Variants in ADAMTS15 observed in about 807,000 individuals in gnomAD.
The protein encoded by ADAMTS15 is A disintegrin and metalloproteinase with thrombospondin motifs 15.
ADAMTS15 carries 35 observed loss-of-function variants against 79.1 expected under a neutral mutation model. The observed-to-expected ratio is 0.44, with a 90% CI of 0.34 to 0.59. The LOEUF (loss-of-function observed/expected upper bound fraction) is 0.59. Ranked by LOEUF, ADAMTS15 falls within the 20% of genes least tolerant of loss-of-function variation. The probability of loss-of-function intolerance (pLI) is 0.02; values close to 1 mark genes in which losing one functional copy is unlikely to be tolerated. For synonymous variants in ADAMTS15, 616 were observed against 567.3 expected (o/e 1.09, Z -1.22); for missense variants, 1,324 against 1,318.7 (o/e 1.00, Z -0.06).
intron 1 of ADAMTS15, among the ~76,000 whole-genome samples, chr11:130,455,860 C>T (rs577269396): frequency 1.1e-3 from 161 of 152,254 alleles, no homozygotes; most frequent in Non-Finnish European, 1.9e-3. Context: ...AGAGCACTCT[C>T]GGCACTTAAT....
At chr11:130,467,761 A>T (rs1028146930) in intron 4 of ADAMTS15, among the ~76,000 whole-genome samples, 1 of 148,266 alleles carries the variant, frequency 6.7e-6, no homozygotes, top group African/African-American at 2.6e-5. Context: ...TACCCTGTTT[A>T]AAAAAACTAA....
At chr11:130,456,193 G>T (rs746222103) in intron 1 of ADAMTS15, among the ~76,000 whole-genome samples, 2 of 152,090 alleles carry the variant, frequency 1.3e-5, no homozygotes, top group Admixed American at 1.3e-4. Flanking sequence ...TAAAACTCTC[G>T]CGACAGTCTG....
intron 1 of ADAMTS15, among the ~76,000 whole-genome samples, chr11:130,453,831 C>T (rs1379823628): frequency 6.6e-6 from 1 of 152,130 alleles, no homozygotes; most frequent in Non-Finnish European, 1.5e-5. Context: ...TTATATTTTT[C>T]AAGAAATTTT....
chr11:130,464,287 A>G (rs1047963555), intron 4 of ADAMTS15, among the ~76,000 whole-genome samples: 5 of 152,176 alleles, frequency 3.3e-5, no homozygotes, highest in Non-Finnish European at 7.4e-5. Context: ...ACTTTCTGGA[A>G]TTCTGTCTAT....
chr11:130,470,156 A>ATATACATATATATATATATATATGTG (rs1938402738), intron 5 of ADAMTS15, among the ~76,000 whole-genome samples: 1 of 44,420 alleles, frequency 2.3e-5, no homozygotes, highest in East Asian at 8.4e-4. Flanking sequence ...ATATATGTGT[A>ATATACATATATATATATATATATGTG]TATATATATA....
At position 130,449,315 on chromosome 11, in the gene ADAMTS15, C is replaced by T. The variant is rs528376771; in HGVS notation, c.342C>T (p.Phe114=). The change falls in exon 1 of 8, where the codon TTC becomes TTT. Residue 114 remains phenylalanine (F), a synonymous_variant. Transcript: ENST00000299164. This position sits in a 1 kb window ranked among gnomAD's most constrained non-coding sequence, Gnocchi z 7.8. ...ACGTGAACGCCGAGCCGGACTCGTT[C>T]GCTGCTGTGAGCCTGTGCGGGGGGC... ...SGDVNAEPDS[F]AAVSLCGGLR... The T allele has an allele frequency of 2.9e-5, 46 of 1,610,566 alleles. No individual in the cohort carries two copies. The East Asian group carries it at 5.8e-4, about 20-fold the overall frequency.
At chr11:130,457,030 C>T (rs1226631384) in intron 1 of ADAMTS15, among the ~76,000 whole-genome samples, 2 of 151,858 alleles carry the variant, frequency 1.3e-5, no homozygotes, top group Non-Finnish European at 1.5e-5. Flanking sequence ...GCCAGGAGTT[C>T]GAGAGCAGCC....
chr11:130,463,064 C>T (rs1342382231), intron 4 of ADAMTS15, among the ~76,000 whole-genome samples: 1 of 152,258 alleles, frequency 6.6e-6, no homozygotes, highest in East Asian at 1.9e-4. Context: ...CAGCCCTGAG[C>T]TCCGGGCCTC....
intron 7 of ADAMTS15, 26 bp from the exon 8 acceptor site, chr11:130,473,021 T>G (rs1218324244): frequency 6.2e-7 from 1 of 1,609,534 alleles, no homozygotes; most frequent in Non-Finnish European, 8.5e-7. Flanking sequence ...TTCTATCTGA[T>G]GCACGGCCCC....
chr11:130,462,266 C>T lies in ADAMTS15; in HGVS notation c.1258+12C>T, dbSNP rs778635577. On this transcript the variant is annotated intron_variant, in intron 3 of 7. Transcript: ENST00000299164. This position sits in a 1 kb window ranked among gnomAD's most constrained non-coding sequence, Gnocchi z 4.3. ...GGACAGCGGGCACGGTAAGCCAGGA[C>T]GGCGGGAGGGCAATGAGGCCGCCTC... The T allele has an allele frequency of 5.4e-5, 87 of 1,606,148 alleles. No homozygotes were observed. Among genetic ancestry groups the T allele is most frequent in the South Asian group, 3.7e-4 (33 of 90,344 alleles).
rs778513785 is a variant in ADAMTS15, at chr11:130,474,345, C to T, written c.*524C>T. On this transcript the variant is annotated 3_prime_UTR_variant, in exon 8 of 8. Coordinates refer to ENST00000299164, the MANE Select transcript of ADAMTS15 (RefSeq NM_139055.4). ...GCTGGCTGGGGCTGGGCAGAAGCCA[C>T]GGGGAGAGTGAGATTAGGGCCCCTG... The T allele has an allele frequency of 7.8e-5, 12 of 153,334 alleles. No individual in the cohort carries two copies. The highest frequency in any genetic ancestry group is 2.1e-4 in the South Asian group (1 of 4,848). The allele number at this position is 153,334 out of a possible 1,614,324, so 9.5% of individuals were successfully genotyped here.
At chr11:130,466,759 G>A (rs188147336) in intron 4 of ADAMTS15, among the ~76,000 whole-genome samples, 96 of 152,278 alleles carry the variant, frequency 6.3e-4, no homozygotes, top group African/African-American at 2.0e-3. Context: ...GCTTTGCCCC[G>A]GCTCCCATTT....
At chr11:130,459,686 G>A (rs76228278) in intron 1 of ADAMTS15, among the ~76,000 whole-genome samples, 2,053 of 152,330 alleles carry the variant, frequency 0.013, 46 homozygotes, top group African/African-American at 0.045. Context: ...TGGTGCACCC[G>A]GGTTCAGGCT....
chr11:130,469,281 A>C lies in ADAMTS15; in HGVS notation c.1562A>C (p.Lys521Thr). 1 of 1,402,286 alleles carries C rather than the reference A, an allele frequency of 7.1e-7. No homozygotes were observed. 86.9% of individuals were successfully genotyped at this position (1,402,286 alleles called of 1,614,324 possible). Residue 521 changes from lysine (K) to threonine (T), a missense_variant, in exon 5 of 8, where the codon AAA (lysine) becomes ACA (threonine). Coordinates refer to ENST00000299164, the MANE Select transcript of ADAMTS15 (RefSeq NM_139055.4). The stretch of plus-strand genomic sequence containing the variant: ...TCACAGGTGGATGGTTCCTGGGCCA[A>C]ATGGGATCCCTATGGCCCCTGCTCG... ...NKHRVDGSWAKWDPYGPCSRT... is the reference protein window; with the variant it reads ...NKHRVDGSWATWDPYGPCSRT...
chr11:130,473,342 C>T lies in ADAMTS15; in HGVS notation c.2374C>T (p.Pro792Ser), dbSNP rs1245031947. 8.1e-6 allele frequency: 13 copies of T among 1,612,944 alleles called. No individual in the cohort carries two copies. The highest frequency in any genetic ancestry group is 1.1e-5 in the Non-Finnish European group (13 of 1,180,002). ...EVLSVGKMTP[P>S]RVRYSFYLPK... Reference sequence around the variant, plus strand: ...CCTCTCCGTGGGGAAGATGACACCGCCCCGGGTCCGCTACTCCTTCTATCT... The same window carrying T: ...CCTCTCCGTGGGGAAGATGACACCGTCCCGGGTCCGCTACTCCTTCTATCT... The change falls in exon 8 of 8, where the codon CCC (proline) becomes TCC (serine). Residue 792 changes from proline (P) to serine (S), a missense_variant. By Grantham distance (74) the Pro-to-Ser change is moderately conservative. Coordinates refer to ENST00000299164, the MANE Select transcript of ADAMTS15 (RefSeq NM_139055.4).
At chr11:130,468,050 T>G (rs963267713) in intron 4 of ADAMTS15, among the ~76,000 whole-genome samples, 1 of 152,178 alleles carries the variant, frequency 6.6e-6, no homozygotes, top group Non-Finnish European at 1.5e-5. Context: ...TGGCCATGCC[T>G]TAGGGATGCC....
At chr11:130,469,502 C>G (rs997202334) in intron 5 of ADAMTS15, 63 bp downstream of exon 5, 16 of 1,231,686 alleles carry the variant, frequency 1.3e-5, no homozygotes, top group Admixed American at 4.0e-5. Flanking sequence ...GTCCCCCCAC[C>G]CCACCCCTAC....
At position 130,463,892 on chromosome 11, in the gene ADAMTS15, A is replaced by G. The variant is rs540292587; in HGVS notation, c.1542+1112A>G. On this transcript the variant is annotated intron_variant, in intron 4 of 7. Transcript: ENST00000299164. ...TATGCGGAAGGACAGAAGGATGAAA[A>G]TTGTCACGGGAGAACCAGGGTCAAG... is the stretch of plus-strand genomic sequence containing the variant. Among the ~76,000 whole-genome samples the G allele has an allele frequency of 3.3e-5, 5 of 152,294 alleles. No individual in the cohort carries two copies. The South Asian group carries it at 1.0e-3, about 32-fold the overall frequency.
Position 130,473,589 on chromosome 11 carries a change from C to T in ADAMTS15, c.2621C>T (p.Thr874Met), listed in dbSNP as rs1053884505. The change falls in exon 8 of 8, where the codon ACG (threonine) becomes ATG (methionine). Residue 874 changes from threonine to methionine, a missense_variant. Coordinates refer to ENST00000299164, the MANE Select transcript of ADAMTS15 (RefSeq NM_139055.4). ...TGCCGGGGCTCCGCCGGGCAGCGCA[C>T]GGTCCCTGCCTGTGATGCAGCCCAT... Reference protein sequence around the residue: ...VDCRGSAGQRTVPACDAAHRP... With the variant: ...VDCRGSAGQRMVPACDAAHRP... 11 of 1,606,556 alleles carry T rather than the reference C, an allele frequency of 6.8e-6. No homozygotes were observed. The highest frequency in any genetic ancestry group is 2.2e-5 in the East Asian group (1 of 44,726).
Sources: allele counts gnomAD v4.1 joint callset (sites outside exome capture counted in the v4.1 genomes callset), GRCh38; gene constraint gnomAD v4.1.1; non-coding constraint Gnocchi (gnomAD v3.1); transcripts MANE v1.5; gene names NCBI Gene and HGNC (gene_info 2026-07-23, HGNC 2026-07-21).